GRIP1: variants seen among roughly 807,000 people sequenced by gnomAD.
The protein encoded by GRIP1 is glutamate receptor-interacting protein 1.
In GRIP1, 45 loss-of-function variants were observed where a neutral mutation model predicts 129.9. The ratio of observed to expected loss-of-function variants is 0.35; its 90% CI spans 0.27 to 0.44. GRIP1 has a LOEUF of 0.44. Ranked by LOEUF, GRIP1 falls within the 20% of genes least tolerant of loss-of-function variation. GRIP1 has a pLI of 1.00. For missense variants in GRIP1, 1,196 were observed against 1,396.8 expected (o/e 0.86, Z 2.29); for synonymous variants, 530 against 520.8 (o/e 1.02, Z -0.24).
intron 1 of GRIP1, among the ~76,000 whole-genome samples, chr12:67,063,157 T>C (rs1259228952): frequency 1.3e-5 from 2 of 152,210 alleles, no homozygotes; most frequent in African/African-American, 4.8e-5. Context: ...CTAGAGTTAG[T>C]AAGTGCTGGA....
At chr12:66,683,861 C>G (rs1487866590), upstream of GRIP1, among the ~76,000 whole-genome samples, 4 of 152,186 alleles carry the variant, frequency 2.6e-5, no homozygotes, top group Non-Finnish European at 5.9e-5. Context: ...GAGGAAAAAT[C>G]TACCAGAAAT....
At position 66,528,538 on chromosome 12, in the gene GRIP1, G is replaced by A. The variant is rs528932208; in HGVS notation, c.502+1293C>T. 2.0e-5 allele frequency among the ~76,000 whole-genome samples: 3 copies of A among 152,232 alleles called. No individual in the cohort carries two copies. The South Asian group carries it at 6.2e-4, about 32-fold the overall frequency. On this transcript the variant is annotated intron_variant, in intron 5 of 24. Transcript: ENST00000359742. Reference sequence around the variant, plus strand: ...TGAGCTGAAGCACATAGATACCCAAGAGATTAGAATCTTCGATCCATTTTT... The same window carrying A: ...TGAGCTGAAGCACATAGATACCCAAAAGATTAGAATCTTCGATCCATTTTT...
At chr12:66,823,319 G>A (rs1007790554) in intron 1 of GRIP1, among the ~76,000 whole-genome samples, 2 of 152,122 alleles carry the variant, frequency 1.3e-5, no homozygotes, top group African/African-American at 4.8e-5. Flanking sequence ...TTTGGTACAT[G>A]TTGGTAATGG....
At chr12:67,057,851 T>C (rs2043464689) in intron 1 of GRIP1, among the ~76,000 whole-genome samples, 2 of 152,248 alleles carry the variant, frequency 1.3e-5, no homozygotes, top group African/African-American at 4.8e-5. Context: ...TTATATTGCC[T>C]TGTTCAAGGT....
At chr12:66,518,579 G>C (rs1031863585) in intron 5 of GRIP1, among the ~76,000 whole-genome samples, 2 of 152,116 alleles carry the variant, frequency 1.3e-5, no homozygotes, top group African/African-American at 2.4e-5. Flanking sequence ...TAGAAACATA[G>C]ATGTTTCAAG....
intron 11 of GRIP1, among the ~76,000 whole-genome samples, chr12:66,450,594 A>G (rs1345304420): frequency 6.6e-6 from 1 of 151,650 alleles, no homozygotes; most frequent in East Asian, 1.9e-4. Flanking sequence ...AAATTTATGT[A>G]TTATGTATTG....
intron 1 of GRIP1, among the ~76,000 whole-genome samples, chr12:66,897,621 CTAAA>C (rs757672827): frequency 3.9e-5 from 6 of 152,160 alleles, no homozygotes; most frequent in East Asian, 1.9e-4. Flanking sequence ...AGGGTTTTCT[CTAAA>C]TAGAGATTTT....
intron 1 of GRIP1, among the ~76,000 whole-genome samples, chr12:66,816,182 A>G (rs769905416): frequency 1.3e-5 from 2 of 152,158 alleles, no homozygotes; most frequent in Admixed American, 6.5e-5. Context: ...TGGTTTCTCT[A>G]AATTTGAGAG....
At chr12:66,850,475 T>C (rs2039891528) in intron 1 of GRIP1, among the ~76,000 whole-genome samples, 2 of 152,150 alleles carry the variant, frequency 1.3e-5, no homozygotes. Flanking sequence ...TGTTTGGTTT[T>C]AACACTTTAT....
intron 1 of GRIP1, among the ~76,000 whole-genome samples, chr12:66,850,777 A>G (rs1259380136): frequency 6.6e-6 from 1 of 151,836 alleles, no homozygotes; most frequent in Non-Finnish European, 1.5e-5. Flanking sequence ...ATCAGCCAGC[A>G]TGTAACCACA....
chr12:66,832,776 A>G (rs999140785), intron 1 of GRIP1, among the ~76,000 whole-genome samples: 2 of 152,252 alleles, frequency 1.3e-5, no homozygotes, highest in African/African-American at 4.8e-5. Flanking sequence ...CTAATTGGAC[A>G]GGCATATTAT....
At chr12:67,000,283 T>C (rs926142725) in intron 1 of GRIP1, among the ~76,000 whole-genome samples, 7 of 152,138 alleles carry the variant, frequency 4.6e-5, no homozygotes, top group Admixed American at 1.3e-4. Flanking sequence ...TCTAGGACCA[T>C]ATCACATAAA....
At chr12:66,849,337 T>C (rs1274687657) in intron 1 of GRIP1, among the ~76,000 whole-genome samples, 1 of 152,190 alleles carries the variant, frequency 6.6e-6, no homozygotes, top group Non-Finnish European at 1.5e-5. Flanking sequence ...CCAGCATCAA[T>C]TCCTTTCTCT....
intron 1 of GRIP1, among the ~76,000 whole-genome samples, chr12:66,627,925 A>C (rs1336237792): frequency 6.6e-6 from 1 of 152,164 alleles, no homozygotes; most frequent in Non-Finnish European, 1.5e-5. Flanking sequence ...GCTGGAGAGC[A>C]GGAGTGTGAG....
chr12:66,524,155 A>T (rs1002488475), intron 5 of GRIP1, among the ~76,000 whole-genome samples: 39 of 152,158 alleles, frequency 2.6e-4, no homozygotes, highest in Non-Finnish European at 2.9e-5. Context: ...CAGGAATTGA[A>T]CTCAGCTCTG....
At chr12:66,546,717 G>T (rs1330362876) in intron 2 of GRIP1, among the ~76,000 whole-genome samples, 1 of 152,102 alleles carries the variant, frequency 6.6e-6, no homozygotes, top group Non-Finnish European at 1.5e-5. Context: ...CTTGACCAGA[G>T]TTTCACACCT....
At chr12:66,521,702 G>C (rs1359086901) in intron 5 of GRIP1, among the ~76,000 whole-genome samples, 1 of 152,220 alleles carries the variant, frequency 6.6e-6, no homozygotes, top group Non-Finnish European at 1.5e-5. Flanking sequence ...GCAGGGTGAG[G>C]CAATGCCTCA....
rs577612732 is a variant in GRIP1 at position 66,703,527 on chromosome 12, G to T, written c.-419-73191C>A. Among the ~76,000 whole-genome samples the T allele has an allele frequency of 9.2e-5, 14 of 152,164 alleles. No homozygotes were observed. In the South Asian group the frequency reaches 2.9e-3, roughly 32 times the overall value. ...TGATGAGGAACTGAAAAGGAGCAGG[G>T]CTCATGATGGGTGGAAAGAAAGTAG... On this transcript the variant is annotated intron_variant, in intron 1 of 4. Transcript: ENST00000538373.
At chr12:66,877,757 T>C (rs1566061813) in intron 1 of GRIP1, among the ~76,000 whole-genome samples, 1 of 152,068 alleles carries the variant, frequency 6.6e-6, no homozygotes, top group Non-Finnish European at 1.5e-5. Context: ...ACATAAAACA[T>C]ATCTGGCAGA....
Sources: allele counts gnomAD v4.1 joint callset (sites outside exome capture counted in the v4.1 genomes callset), GRCh38; gene constraint gnomAD v4.1.1; transcripts MANE v1.5; gene names NCBI Gene and HGNC (gene_info 2026-07-23, HGNC 2026-07-21).